The following SHPRH variants were observed in gnomAD, a reference collection of about 807,000 sequenced individuals.
SHPRH encodes E3 ubiquitin-protein ligase SHPRH.
In SHPRH, 106 loss-of-function variants were observed where a neutral mutation model predicts 202.5. That is an observed-to-expected ratio of 0.52 (90% CI 0.45 to 0.62). The LOEUF (loss-of-function observed/expected upper bound fraction) is 0.62, where lower values mean the gene tolerates loss of function less well. SHPRH is among the 20% of genes least tolerant of loss of function. The probability of loss-of-function intolerance (pLI) is 0.00; values close to 1 mark genes in which losing one functional copy is unlikely to be tolerated. For missense variants in SHPRH, 1,710 were observed against 2,020.0 expected, an observed-to-expected ratio of 0.85 and a Z score of 2.94; for synonymous variants, 729 against 686.0, an observed-to-expected ratio of 1.06 and a Z score of -0.98.
At chr6:145,947,916 T>C (rs972634835) in intron 5 of SHPRH, among the ~76,000 whole-genome samples, 2 of 151,748 alleles carry the variant, frequency 1.3e-5, no homozygotes, top group African/African-American at 4.8e-5. Flanking sequence ...TATGAATCTA[T>C]GAATAAAAAA....
rs11326222 is a variant in SHPRH, at chr6:145,921,540, GTT to G, written c.3783-150_3783-149del. 4.5e-3 allele frequency: 2,457 copies of G among 543,222 alleles called. 1 individual carries two copies. The highest frequency in any genetic ancestry group is 5.8e-3 in the East Asian group (175 of 30,114). 33.7% of individuals were successfully genotyped at this position (543,222 alleles called of 1,614,324 possible). A position where few individuals can be genotyped will look rare whatever the true frequency, so the allele number is the denominator to read the frequency against. ...GCTGAAAACATCATAAATTTGGCCAGTTTTTTTTTTTTTAAATTCTATTATAT... is the reference window on the plus strand; with the variant it reads ...GCTGAAAACATCATAAATTTGGCCAGTTTTTTTTTTTAAATTCTATTATAT... On this transcript the variant is annotated intron_variant, in intron 20 of 29. Coordinates refer to ENST00000275233, the MANE Select transcript of SHPRH (RefSeq NM_001042683.3).
Position 145,941,621 on chromosome 6 carries a change from A to T in SHPRH, c.2490+2T>A. 6.2e-7 allele frequency: 1 copy of T among 1,613,064 alleles called. No individual in the cohort carries two copies. The highest frequency in any genetic ancestry group is 8.5e-7 in the Non-Finnish European group (1 of 1,179,372). On this transcript the variant is annotated splice_donor_variant, in intron 10 of 29. Coordinates refer to ENST00000275233, the MANE Select transcript of SHPRH (RefSeq NM_001042683.3). LOFTEE classifies it high-confidence loss of function. The stretch of plus-strand genomic sequence containing the variant: ...CTCAAAAGATTTTGCAGAAACTCTC[A>T]CTTTTACTGTGGGACACTCAACCAT...
At chr6:145,897,319 T>C (rs1293668597) in intron 25 of SHPRH, among the ~76,000 whole-genome samples, 1 of 151,740 alleles carries the variant, frequency 6.6e-6, no homozygotes, top group African/African-American at 2.4e-5. Flanking sequence ...AAACATACAA[T>C]CTACCAAGAC....
chr6:145,886,273 A>C lies in SHPRH; in HGVS notation c.*418T>G. 2 of 519,052 alleles carry C rather than the reference A, an allele frequency of 3.9e-6. No homozygotes were observed. Among genetic ancestry groups the C allele is most frequent in the Non-Finnish European group, 7.2e-6 (2 of 279,182 alleles). The allele number at this position is 519,052 out of a possible 1,614,324, so 32.2% of individuals were successfully genotyped here. On this transcript the variant is annotated 3_prime_UTR_variant, in exon 30 of 30. Transcript: ENST00000275233. ...CAAGATATTGGTGAATCATGTGCTA[A>C]AGATACTGAAGGCCCTTCCAAAACT...
intron 23 of SHPRH, among the ~76,000 whole-genome samples, chr6:145,915,444 C>G (rs1031194293): frequency 1.3e-5 from 2 of 151,706 alleles, no homozygotes; most frequent in Non-Finnish European, 2.9e-5. Flanking sequence ...CAAAGAAGTT[C>G]CTTTAATATT....
intron 16 of SHPRH, among the ~76,000 whole-genome samples, chr6:145,925,991 C>T (rs1312951155): frequency 6.6e-6 from 1 of 151,946 alleles, no homozygotes; most frequent in Non-Finnish European, 1.5e-5. Context: ...GCATTTATCA[C>T]ATAACTGCAG....
rs554993598 is a variant in SHPRH at position 145,878,662 on chromosome 6, C to T, written c.221+9358G>A. 2.0e-5 allele frequency among the ~76,000 whole-genome samples: 3 copies of T among 152,256 alleles called. No homozygotes were observed. The South Asian group carries it at 6.2e-4, about 32-fold the overall frequency. On this transcript the variant is annotated intron_variant, in intron 2 of 2. Coordinates refer to the SHPRH transcript ENST00000417762. Reference sequence around the variant, plus strand: ...TTTTTAAGGTTGAGTTTGCTCCCTGCCAAGGAGGAAAACCCATGACTTTTG... The same window carrying T: ...TTTTTAAGGTTGAGTTTGCTCCCTGTCAAGGAGGAAAACCCATGACTTTTG...
chr6:145,909,512 TAC>T (rs1783291631), intron 25 of SHPRH: 1 of 152,166 alleles, frequency 6.6e-6, no homozygotes, highest in South Asian at 2.1e-4. Context: ...TTAATGCAGC[TAC>T]AGTTTTCTTG....
chr6:145,933,798 A>G (rs1363988187), intron 13 of SHPRH, among the ~76,000 whole-genome samples: 1 of 152,210 alleles, frequency 6.6e-6, no homozygotes, highest in Non-Finnish European at 1.5e-5. Flanking sequence ...GCCAAAGGCC[A>G]GTTCCTGAGT....
At chr6:145,932,947 T>C (rs566897784) in intron 14 of SHPRH, 110 bp downstream of exon 14, 32 of 1,231,170 alleles carry the variant, frequency 2.6e-5, no homozygotes, top group Non-Finnish European at 3.3e-5. Context: ...TGTGAGAGTA[T>C]CTTTTTGGGG....
chr6:145,859,954 C>CAAT (rs1478536008), downstream of SHPRH, among the ~76,000 whole-genome samples: 5 of 151,998 alleles, frequency 3.3e-5, no homozygotes. Flanking sequence ...CTCTAGACAA[C>CAAT]AATTAGCTTT....
downstream of SHPRH, among the ~76,000 whole-genome samples, chr6:145,863,313 A>G (rs1779643660): frequency 6.6e-6 from 1 of 152,248 alleles, no homozygotes; most frequent in Non-Finnish European, 1.5e-5. Flanking sequence ...AAGGACAAAA[A>G]ATCTTTAGAA....
At position 145,885,557 on chromosome 6, in the gene SHPRH, C is replaced by T. The variant is rs758227227; in HGVS notation, c.*1134G>A. ...CAAAGAAAAGGAAGCCAAATAAGAACATTTGTATTACATCAAATGGCTAGG... is the reference window on the plus strand; with the variant it reads ...CAAAGAAAAGGAAGCCAAATAAGAATATTTGTATTACATCAAATGGCTAGG... On this transcript the variant is annotated 3_prime_UTR_variant, in exon 30 of 30. Transcript: ENST00000275233. 3.9e-5 allele frequency: 6 copies of T among 152,174 alleles called. No homozygotes were observed. The highest frequency in any genetic ancestry group is 1.4e-4 in the African/African-American group (6 of 41,460). 9.4% of individuals were successfully genotyped at this position (152,174 alleles called of 1,614,324 possible).
At chr6:145,864,930 TAA>T (rs1779703562) in intron 2 of SHPRH, among the ~76,000 whole-genome samples, 1 of 139,236 alleles carries the variant, frequency 7.2e-6, no homozygotes, top group African/African-American at 2.6e-5. Flanking sequence ...ATAAAATTTA[TAA>T]ACACACACAC....
In SHPRH at chr6:145,945,457, C is replaced by T; in HGVS notation, c.1502G>A (p.Gly501Asp). The T allele has an allele frequency of 6.2e-7, 1 of 1,613,146 alleles. No homozygotes were observed. The highest frequency in any genetic ancestry group is 8.5e-7 in the Non-Finnish European group (1 of 1,179,502). ...TGTAAAAGTCCCAGAAAAACCATGG[C>T]CTTTGATCTGTTTCACGAGACCTTC... ...IFEGLVKQIK[G>D]HGFSGTFTLG... is the part of the protein sequence containing the mutation. The change falls in exon 8 of 30, where the codon GGC becomes GAC. Residue 501 changes from glycine to aspartate, a missense_variant. By Grantham distance (94) the Gly-to-Asp change is moderately conservative (BLOSUM62 -1). This residue lies in a region of SHPRH where 348 missense variants were observed against 356.9 expected (regional missense o/e 0.97). Coordinates refer to ENST00000275233, the MANE Select transcript of SHPRH (RefSeq NM_001042683.3).
At chr6:145,902,379 A>G (rs897862461) in intron 25 of SHPRH, among the ~76,000 whole-genome samples, 2 of 152,140 alleles carry the variant, frequency 1.3e-5, no homozygotes, top group Non-Finnish European at 2.9e-5. Context: ...AAGGTGTTCT[A>G]TAGTTGCAGC....
intron 23 of SHPRH, chr6:145,917,540 A>G (rs1419736514): frequency 2.0e-5 from 3 of 152,120 alleles, no homozygotes; most frequent in Admixed American, 6.5e-5. Context: ...GCCCTATCCA[A>G]ATATTTACTA....
rs766216894 is a variant in SHPRH at position 145,943,762 on chromosome 6, T to A, written c.1619A>T (p.Lys540Ile). The A allele has an allele frequency of 4.4e-6, 7 of 1,591,358 alleles. No individual in the cohort carries two copies. The Admixed American group carries it at 1.3e-4, about 29-fold the overall frequency. The change falls in exon 9 of 30, where the codon AAA (lysine) becomes ATA (isoleucine). Residue 540 changes from lysine to isoleucine, a missense_variant. Transcript: ENST00000275233. ...SPRKIQKETR[K>I]SGNKDTDSEY... ...AGAATCTGTGTCCTTGTTCCCTGAT[T>A]TTCTAGTTTCTTTCTGAATTTTCCT...
intron 15 of SHPRH, among the ~76,000 whole-genome samples, chr6:145,926,910 C>CTCT (rs1258329300): frequency 6.6e-6 from 1 of 151,858 alleles, no homozygotes; most frequent in East Asian, 1.9e-4. Flanking sequence ...AACTGACCTA[C>CTCT]TCTTGGAAGT....
Sources: allele counts gnomAD v4.1 joint callset (sites outside exome capture counted in the v4.1 genomes callset), GRCh38; gene constraint gnomAD v4.1.1; regional missense constraint gnomAD v4.1.1; transcripts MANE v1.5; gene names NCBI Gene and HGNC (gene_info 2026-07-23, HGNC 2026-07-21).